TMEM108: variants seen among roughly 807,000 people sequenced by gnomAD.
TMEM108 encodes transmembrane protein 108.
In TMEM108, 12 loss-of-function variants were observed where a neutral mutation model predicts 35.1. The ratio of observed to expected loss-of-function variants is 0.34; its 90% CI spans 0.22 to 0.55. The LOEUF (loss-of-function observed/expected upper bound fraction) is 0.55, where lower values mean the gene tolerates loss of function less well. Among genes scored for constraint, TMEM108 ranks in the 20% least tolerant of loss-of-function variants. The pLI, the probability that TMEM108 is intolerant of heterozygous loss-of-function variation, is 0.89. For synonymous variants in TMEM108, 287 were observed against 308.6 expected (o/e 0.93, Z 0.73); for missense variants, 680 against 753.3 (o/e 0.90, Z 1.14).
chr3:133,314,607 C>A (rs2071174012), intron 3 of TMEM108, among the ~76,000 whole-genome samples: 1 of 152,190 alleles, frequency 6.6e-6, no homozygotes, highest in South Asian at 2.1e-4. Context: ...CCAAGGTCAC[C>A]TGAGAGCTGT....
intron 2 of TMEM108, among the ~76,000 whole-genome samples, chr3:133,144,218 C>T (rs371607075): frequency 7.9e-5 from 12 of 152,014 alleles, no homozygotes; most frequent in East Asian, 1.9e-4. Flanking sequence ...TGAGAACATG[C>T]GGTGTTTGGT....
Position 133,072,311 on chromosome 3 carries a change from A to G in TMEM108, c.-47+26291A>G, listed in dbSNP as rs115276501. Among the ~76,000 whole-genome samples, 881 of 152,266 alleles carry G rather than the reference A, an allele frequency of 5.8e-3. 7 individuals are homozygous for G. The highest frequency in any genetic ancestry group is 0.02 in the African/African-American group (831 of 41,556). On this transcript the variant is annotated intron_variant, in intron 2 of 5. Transcript: ENST00000321871. The stretch of plus-strand genomic sequence containing the variant: ...AATTAAGAAGTACTTATTATAATGA[A>G]TATGACACTGCTAAAACCTGTCAAG...
intron 2 of TMEM108, among the ~76,000 whole-genome samples, chr3:133,193,679 T>A (rs1945533747): frequency 6.6e-6 from 1 of 152,208 alleles, no homozygotes; most frequent in African/African-American, 2.4e-5. Flanking sequence ...CCTTTGCTTT[T>A]ACTTACAATT....
At chr3:133,173,863 G>A (rs765719451) in intron 2 of TMEM108, among the ~76,000 whole-genome samples, 1 of 152,228 alleles carries the variant, frequency 6.6e-6, no homozygotes, top group African/African-American at 2.4e-5. Context: ...CCAAGTGTGA[G>A]CCGAAGCAGG....
intron 3 of TMEM108, among the ~76,000 whole-genome samples, chr3:133,274,826 A>G (rs1305519452): frequency 1.3e-5 from 2 of 152,198 alleles, no homozygotes; most frequent in African/African-American, 2.4e-5. Flanking sequence ...TCAGGGGGTT[A>G]GACACATTCC....
At chr3:133,118,176 G>A (rs1177707137) in intron 2 of TMEM108, among the ~76,000 whole-genome samples, 1 of 152,066 alleles carries the variant, frequency 6.6e-6, no homozygotes, top group African/African-American at 2.4e-5. Flanking sequence ...TCTGGGGACT[G>A]GCAGAGTACT....
chr3:133,187,135 C>T (rs534679669), intron 2 of TMEM108, among the ~76,000 whole-genome samples: 77 of 152,298 alleles, frequency 5.1e-4, no homozygotes, highest in African/African-American at 1.7e-3. Context: ...ATGCAGATAA[C>T]GTAGACTAGG....
At chr3:133,309,547 T>TA (rs1485618283) in intron 3 of TMEM108, among the ~76,000 whole-genome samples, 1 of 152,156 alleles carries the variant, frequency 6.6e-6, no homozygotes, top group African/African-American at 2.4e-5. Context: ...GTCCCAGAGA[T>TA]TCTGGTACGT....
intron 2 of TMEM108, among the ~76,000 whole-genome samples, chr3:133,065,852 C>T (rs116340571): frequency 0.011 from 1,726 of 152,114 alleles, 37 homozygotes; most frequent in African/African-American, 0.039. Context: ...TCAGTATAAT[C>T]GTTGGGTTAT....
chr3:133,049,552 C>T (rs951026560), intron 2 of TMEM108, among the ~76,000 whole-genome samples: 1 of 152,148 alleles, frequency 6.6e-6, no homozygotes, highest in Non-Finnish European at 1.5e-5. Flanking sequence ...GCTTCTCCAT[C>T]CTGGGGAAAC....
chr3:133,250,646 A>G (rs7613727), intron 3 of TMEM108, among the ~76,000 whole-genome samples: 146,905 of 152,306 alleles, frequency 0.96, 71,044 homozygotes, highest in East Asian at 1. Context: ...AGTTAGCAGC[A>G]ATAGCCTCAG....
intron 3 of TMEM108, among the ~76,000 whole-genome samples, chr3:133,293,195 C>T (rs1040408610): frequency 6.6e-6 from 1 of 151,974 alleles, no homozygotes; most frequent in Admixed American, 6.5e-5. Flanking sequence ...ATCTGCCATT[C>T]ATCAAAGGAT....
chr3:133,179,080 G>A (rs1211154901), intron 2 of TMEM108, among the ~76,000 whole-genome samples: 2 of 152,036 alleles, frequency 1.3e-5, no homozygotes, highest in African/African-American at 4.8e-5. Context: ...GGCCATCAGA[G>A]AAATGCAAAT....
chr3:133,191,481 C>T (rs751616894), intron 2 of TMEM108, among the ~76,000 whole-genome samples: 5 of 152,102 alleles, frequency 3.3e-5, no homozygotes, highest in African/African-American at 4.8e-5. Context: ...CAGTAGGTGA[C>T]AATCATACGA....
chr3:133,102,375 G>A (rs564482416), intron 2 of TMEM108, among the ~76,000 whole-genome samples: 1 of 152,280 alleles, frequency 6.6e-6, no homozygotes. Context: ...TCAGCCTGCT[G>A]CTTACTCTGA....
At chr3:133,251,545 G>T (rs1055568869) in intron 3 of TMEM108, among the ~76,000 whole-genome samples, 9 of 152,124 alleles carry the variant, frequency 5.9e-5, no homozygotes, top group Non-Finnish European at 1.2e-4. Flanking sequence ...GGTTGTCTGG[G>T]TTTCCTCCAA....
At chr3:133,082,172 A>T (rs138350456) in intron 2 of TMEM108, among the ~76,000 whole-genome samples, 41 of 152,334 alleles carry the variant, frequency 2.7e-4, no homozygotes, top group African/African-American at 8.7e-4. Context: ...CAGATATTTG[A>T]GTGCCTGCTT....
chr3:133,227,384 G>A (rs866409066), intron 2 of TMEM108, among the ~76,000 whole-genome samples: 2,204 of 148,318 alleles, frequency 0.015, 73 homozygotes, highest in African/African-American at 0.05. Context: ...TAGTAGAGAC[G>A]GGGTTTCACC....
rs773140390 is a variant in TMEM108 at position 133,381,059 on chromosome 3, G to A, written c.1348G>A (p.Val450Met). 49 of 1,614,100 alleles carry A rather than the reference G, an allele frequency of 3.0e-5. No individual in the cohort carries two copies. The highest frequency in any genetic ancestry group is 4.1e-5 in the Non-Finnish European group (48 of 1,180,040). The change falls in exon 4 of 6, where the codon GTG (valine) becomes ATG (methionine). Residue 450 changes from valine (V) to methionine (M), a missense_variant. Transcript: ENST00000321871. ...TGGGACAGCAGGGAACATCTCCCAT[G>A]TGGCCGAGGGGGACAAACCGCAGCA... ...KPGTAGNISH[V>M]AEGDKPQHRA...
Sources: gnomAD v4.1 joint callset for allele counts (sites outside exome capture counted in the v4.1 genomes callset) on GRCh38, gnomAD v4.1.1 for gene constraint, MANE v1.5 for transcripts, NCBI Gene and HGNC (gene_info 2026-07-23, HGNC 2026-07-21) for gene names.